Variants in LRP1B observed in about 807,000 individuals in gnomAD.
LRP1B encodes low-density lipoprotein receptor-related protein 1B.
A neutral mutation model predicts 556.6 loss-of-function variants in LRP1B; 217 were observed. The ratio of observed to expected loss-of-function variants is 0.39; its 90% confidence interval spans 0.35 to 0.44. The LOEUF (loss-of-function observed/expected upper bound fraction) is 0.44, where lower values mean the gene tolerates loss of function less well. Ranked by LOEUF, LRP1B falls within the 20% of genes least tolerant of loss-of-function variation. The pLI, the probability that LRP1B is intolerant of heterozygous loss-of-function variation, is 1.00. For synonymous variants in LRP1B, 2,047 were observed against 1,865.8 expected (o/e 1.10, Z -2.50); for missense variants, 5,053 against 5,620.8 (o/e 0.90, Z 3.23).
chr2:140,605,228 A>G (rs1447994888), intron 41 of LRP1B, among the ~76,000 whole-genome samples: 1 of 152,124 alleles, frequency 6.6e-6, no homozygotes, highest in Admixed American at 6.6e-5. Flanking sequence ...AAGCATCCAA[A>G]TCTTGTTTGG....
chr2:141,303,136 T>C (rs1347945099), intron 3 of LRP1B, among the ~76,000 whole-genome samples: 2 of 152,126 alleles, frequency 1.3e-5, no homozygotes, highest in African/African-American at 4.8e-5. Context: ...CAGATTTATA[T>C]ATGTATATTT....
At chr2:140,803,111 C>T (rs945120329) in intron 32 of LRP1B, among the ~76,000 whole-genome samples, 4 of 152,086 alleles carry the variant, frequency 2.6e-5, no homozygotes, top group Non-Finnish European at 4.4e-5. Flanking sequence ...CAATGATTTG[C>T]ACGGATCAGT....
At chr2:141,581,943 G>A (rs1686969277) in intron 2 of LRP1B, among the ~76,000 whole-genome samples, 1 of 152,050 alleles carries the variant, frequency 6.6e-6, no homozygotes, top group Admixed American at 6.6e-5. Flanking sequence ...CACAAGGATG[G>A]CTCAAGTTTT....
At chr2:140,639,533 A>C (rs1030097094) in intron 41 of LRP1B, among the ~76,000 whole-genome samples, 13 of 152,176 alleles carry the variant, frequency 8.5e-5, no homozygotes, top group Non-Finnish European at 1.9e-4. Flanking sequence ...GTCAATTAAA[A>C]AATTCTTTCT....
chr2:140,700,536 G>C lies in LRP1B; in HGVS notation c.6513C>G (p.Ala2171=), dbSNP rs563843597. Residue 2171 remains alanine, a synonymous_variant, in exon 41 of 91, where the codon GCC becomes GCG. Transcript: ENST00000389484. The part of the protein sequence containing the change: ...RGNSRRTCAC[A]HGYLAEDGVT... ...CTCCATCTTCTGCCAAATATCCATG[G>C]GCACAAGCACAAGTTCTCCGGGAAT... The C allele has an allele frequency of 5.0e-6, 8 of 1,613,448 alleles. No homozygotes were observed. In the South Asian group the frequency reaches 7.7e-5, roughly 16 times the overall value.
At chr2:140,761,035 G>T (rs1026754752) in intron 35 of LRP1B, among the ~76,000 whole-genome samples, 1 of 152,134 alleles carries the variant, frequency 6.6e-6, no homozygotes, top group South Asian at 2.1e-4. Context: ...AAATATATAC[G>T]TGTGAATTTA....
intron 66 of LRP1B, among the ~76,000 whole-genome samples, chr2:140,403,251 T>C (rs1222406633): frequency 6.6e-6 from 1 of 152,126 alleles, no homozygotes; most frequent in East Asian, 1.9e-4. Context: ...ACGATCACAC[T>C]AGTTCCCCAG....
intron 18 of LRP1B, among the ~76,000 whole-genome samples, chr2:140,957,308 C>T (rs192836485): frequency 1.1e-4 from 17 of 151,548 alleles, no homozygotes; most frequent in Admixed American, 4.0e-4. Flanking sequence ...AGATTCATGA[C>T]GGCCCGGAAG....
intron 41 of LRP1B, among the ~76,000 whole-genome samples, chr2:140,633,950 G>A (rs569753701): frequency 6.6e-6 from 1 of 152,248 alleles, no homozygotes; most frequent in Non-Finnish European, 1.5e-5. Context: ...TCCACTGGAT[G>A]AGGCTAGCCT....
chr2:141,031,649 T>C (rs762392429), intron 11 of LRP1B, among the ~76,000 whole-genome samples: 53 of 152,002 alleles, frequency 3.5e-4, no homozygotes, highest in Admixed American at 1.4e-3. Flanking sequence ...TAGATGTTTA[T>C]GGATCCAGAA....
chr2:141,446,376 G>A (rs369634367), intron 3 of LRP1B, among the ~76,000 whole-genome samples: 3 of 152,122 alleles, frequency 2.0e-5, no homozygotes, highest in East Asian at 3.8e-4. Context: ...TTGCCAGTCT[G>A]TGTCTTTTAA....
chr2:141,174,117 T>C (rs1277705663), intron 7 of LRP1B, among the ~76,000 whole-genome samples: 1 of 152,094 alleles, frequency 6.6e-6, no homozygotes, highest in Non-Finnish European at 1.5e-5. Flanking sequence ...AATGTGTATT[T>C]AAAGTCCAAG....
chr2:140,748,778 G>GATACATAT (rs1688451135), intron 35 of LRP1B, among the ~76,000 whole-genome samples: 3 of 61,336 alleles, frequency 4.9e-5, no homozygotes, highest in South Asian at 1.0e-3. Context: ...TATATAATAT[G>GATACATAT]TATATAATAT....
chr2:140,464,728 G>T (rs1014801423), intron 60 of LRP1B, among the ~76,000 whole-genome samples: 2 of 152,172 alleles, frequency 1.3e-5, no homozygotes, highest in African/African-American at 4.8e-5. Flanking sequence ...GTCTGAGCCT[G>T]ACTATAAGTA....
chr2:141,746,861 G>T (rs1558846688), intron 2 of LRP1B, among the ~76,000 whole-genome samples: 1 of 152,120 alleles, frequency 6.6e-6, no homozygotes, highest in African/African-American at 2.4e-5. Context: ...ATATCCTTAA[G>T]GTGTGGCCGC....
chr2:140,708,151 A>C (rs1686906497), intron 37 of LRP1B, among the ~76,000 whole-genome samples: 1 of 152,026 alleles, frequency 6.6e-6, no homozygotes, highest in Non-Finnish European at 1.5e-5. Context: ...AAATACTTAA[A>C]ATTTGCTAGT....
At chr2:141,710,143 A>G (rs1235375849) in intron 2 of LRP1B, among the ~76,000 whole-genome samples, 1 of 152,168 alleles carries the variant, frequency 6.6e-6, no homozygotes, top group East Asian at 1.9e-4. Flanking sequence ...CATTTAGTCT[A>G]TAGCAACCAG....
chr2:140,606,220 C>A (rs1045483519), intron 41 of LRP1B, among the ~76,000 whole-genome samples: 1 of 151,848 alleles, frequency 6.6e-6, no homozygotes, highest in African/African-American at 2.4e-5. Flanking sequence ...TATATAAGAG[C>A]AATGAACAAT....
intron 21 of LRP1B, among the ~76,000 whole-genome samples, chr2:140,915,418 G>A (rs993372121): frequency 6.6e-6 from 1 of 151,970 alleles, no homozygotes; most frequent in African/African-American, 2.4e-5. Flanking sequence ...GGAAGCCGAG[G>A]TGGGTGAATC....
Sources: allele counts gnomAD v4.1 joint callset (sites outside exome capture counted in the v4.1 genomes callset), GRCh38; gene constraint gnomAD v4.1.1; transcripts MANE v1.5; gene names NCBI Gene and HGNC (gene_info 2026-07-23, HGNC 2026-07-21).